The following PHACTR3 variants were observed in gnomAD, a reference collection of about 807,000 sequenced individuals.
The protein encoded by PHACTR3 is protein phosphatase 1, regulatory subunit 123.
A neutral mutation model predicts 66.8 loss-of-function variants in PHACTR3; 16 were observed. The ratio of observed to expected loss-of-function variants is 0.24; its 90% CI spans 0.16 to 0.36. The LOEUF (loss-of-function observed/expected upper bound fraction) is 0.36. Ranked by LOEUF, PHACTR3 falls within the 10% of genes least tolerant of loss-of-function variation. The pLI is 1.00. For missense variants in PHACTR3, 647 were observed against 719.9 expected (o/e 0.90, Z 1.16); for synonymous variants, 323 against 292.1 (o/e 1.11, Z -1.08).
At chr20:59,747,666 C>A in intron 2 of PHACTR3, 92 bp from the exon 3 acceptor site, 2 of 1,455,498 alleles carry the variant, frequency 1.4e-6, no homozygotes, top group African/African-American at 2.8e-5. Flanking sequence ...TGTTTTTGGT[C>A]TGTAAACTTG....
At chr20:59,640,185 A>G (rs1164831304) in intron 1 of PHACTR3, among the ~76,000 whole-genome samples, 2 of 152,314 alleles carry the variant, frequency 1.3e-5, no homozygotes, top group South Asian at 2.1e-4. Context: ...TTAACCTTGG[A>G]TGGTTGGTAG....
chr20:59,796,743 G>T (rs1385381423), intron 7 of PHACTR3, among the ~76,000 whole-genome samples: 3 of 152,082 alleles, frequency 2.0e-5, no homozygotes, highest in African/African-American at 7.2e-5. Context: ...CCCTATATGT[G>T]ACTTTGTTAT....
chr20:59,830,278 T>C lies in PHACTR3; in HGVS notation c.1329-6227T>C, dbSNP rs367860480. ...TCTGATAGAAGAGGGTATGAGTGTC[T>C]GATGGAAGCAAGTGAGTGATGGACA... On this transcript the variant is annotated intron_variant, in intron 8 of 12. Coordinates refer to ENST00000371015, the MANE Select transcript of PHACTR3 (RefSeq NM_080672.5). This position sits in a 1 kb window ranked among gnomAD's most constrained non-coding sequence, Gnocchi z 5.8. 1.3e-5 allele frequency among the ~76,000 whole-genome samples: 2 copies of C among 152,066 alleles called. No individual in the cohort carries two copies. The highest frequency in any genetic ancestry group is 3.9e-4 in the East Asian group (2 of 5,156).
intron 8 of PHACTR3, among the ~76,000 whole-genome samples, chr20:59,817,353 C>A (rs1266115931): frequency 6.6e-6 from 1 of 152,228 alleles, no homozygotes. Context: ...TATTTCTGAG[C>A]TGCAGGTCCT....
chr20:59,731,419 GACA>G (rs1174313424), intron 1 of PHACTR3, among the ~76,000 whole-genome samples: 1 of 152,152 alleles, frequency 6.6e-6, no homozygotes, highest in South Asian at 2.1e-4. Context: ...TCACAATGAT[GACA>G]ACAACAAAGC....
At chr20:59,694,806 C>T (rs889830564) in intron 1 of PHACTR3, among the ~76,000 whole-genome samples, 1 of 152,130 alleles carries the variant, frequency 6.6e-6, no homozygotes, top group Non-Finnish European at 1.5e-5. Context: ...ATGGAAGACA[C>T]AGCAGCAGGG....
At chr20:59,681,375 T>C (rs1306115301) in intron 1 of PHACTR3, among the ~76,000 whole-genome samples, 3 of 151,948 alleles carry the variant, frequency 2.0e-5, no homozygotes, top group Non-Finnish European at 2.9e-5. Flanking sequence ...ATTTTTTTTT[T>C]CTACTTTTTC....
intron 1 of PHACTR3, among the ~76,000 whole-genome samples, chr20:59,588,968 G>A (rs1400202125): frequency 6.6e-6 from 1 of 152,202 alleles, no homozygotes; most frequent in Non-Finnish European, 1.5e-5. Flanking sequence ...ATGTTCTAAT[G>A]TCTGCACCTT....
In PHACTR3 at chr20:59,633,783, G is replaced by T. The variant is rs1178683450; in HGVS notation, c.118+28651G>T. Reference sequence around the variant, plus strand: ...TTAATTTTAATAATGAGTCACCCATGCCCACAATTTATTACCTCCTGTGGC... The same window carrying T: ...TTAATTTTAATAATGAGTCACCCATTCCCACAATTTATTACCTCCTGTGGC... On this transcript the variant is annotated intron_variant, in intron 1 of 12. Transcript: ENST00000371015. Among the ~76,000 whole-genome samples the T allele has an allele frequency of 2.6e-5, 4 of 152,192 alleles. No individual in the cohort carries two copies. In the East Asian group the frequency reaches 7.7e-4, roughly 29 times the overall value.
At chr20:59,692,465 G>A (rs2037145816) in intron 1 of PHACTR3, among the ~76,000 whole-genome samples, 1 of 152,322 alleles carries the variant, frequency 6.6e-6, no homozygotes, top group South Asian at 2.1e-4. Context: ...AGTCTGTCAT[G>A]GTCTCTGTGA....
At chr20:59,836,435 T>C in intron 8 of PHACTR3, 70 bp from the exon 9 acceptor site, 2 of 1,496,658 alleles carry the variant, frequency 1.3e-6, no homozygotes, top group South Asian at 2.5e-5. Flanking sequence ...CCTCTCATCC[T>C]TGCAGACCCC....
intron 1 of PHACTR3, among the ~76,000 whole-genome samples, chr20:59,643,300 A>T (rs1312615015): frequency 2.6e-5 from 4 of 152,334 alleles, no homozygotes; most frequent in African/African-American, 7.2e-5. Flanking sequence ...AATGAGTGCT[A>T]TTCCACTTCA....
At chr20:59,698,730 G>A (rs759916667) in intron 1 of PHACTR3, among the ~76,000 whole-genome samples, 3 of 152,104 alleles carry the variant, frequency 2.0e-5, no homozygotes, top group Non-Finnish European at 4.4e-5. Flanking sequence ...TCTTTTCTCC[G>A]GGAGAATGTT....
intron 7 of PHACTR3, among the ~76,000 whole-genome samples, chr20:59,802,568 G>A (rs540477791): frequency 3.3e-5 from 5 of 152,258 alleles, no homozygotes; most frequent in South Asian, 2.1e-4. Flanking sequence ...TGATGAGACC[G>A]GGGCTAGGGG....
In PHACTR3 at chr20:59,635,400, A is replaced by AT. The variant is rs548849458; in HGVS notation, c.118+30275dup. 2.7e-4 allele frequency among the ~76,000 whole-genome samples: 41 copies of AT among 150,926 alleles called. No individual in the cohort carries two copies. The South Asian group carries it at 8.4e-3, about 31-fold the overall frequency. On this transcript the variant is annotated intron_variant, in intron 1 of 12. Transcript: ENST00000371015. ...GGGCGTGCACCACCACACTCGGCTAATTTTTTTGTATTTATTAGAGACGGG... is the reference window on the plus strand; with the variant it reads ...GGGCGTGCACCACCACACTCGGCTAATTTTTTTTGTATTTATTAGAGACGGG...
chr20:59,644,201 A>G (rs1341074620), intron 1 of PHACTR3, among the ~76,000 whole-genome samples: 1 of 152,176 alleles, frequency 6.6e-6, no homozygotes, highest in Non-Finnish European at 1.5e-5. Context: ...TGGTTGCAGC[A>G]CCCTGATGGG....
intron 1 of PHACTR3, among the ~76,000 whole-genome samples, chr20:59,627,398 G>A (rs4810174): frequency 0.027 from 4,134 of 152,328 alleles, 78 homozygotes; most frequent in Middle Eastern, 0.071. Context: ...TGGTGTGAGA[G>A]GGATCAGATG....
chr20:59,663,058 C>A (rs953616777), intron 1 of PHACTR3, among the ~76,000 whole-genome samples: 22 of 152,226 alleles, frequency 1.4e-4, no homozygotes, highest in African/African-American at 5.1e-4. Flanking sequence ...GCCTCTCTAG[C>A]GTCTGGGGGC....
At chr20:59,648,881 G>C (rs1034002195) in intron 1 of PHACTR3, among the ~76,000 whole-genome samples, 2 of 152,194 alleles carry the variant, frequency 1.3e-5, no homozygotes, top group African/African-American at 4.8e-5. Context: ...GAGGGACTGG[G>C]ACAGCTTGGC....
Sources: gnomAD v4.1 joint callset for allele counts (sites outside exome capture counted in the v4.1 genomes callset) on GRCh38, gnomAD v4.1.1 for gene constraint, Gnocchi (gnomAD v3.1) non-coding constraint, MANE v1.5 for transcripts, NCBI Gene and HGNC (gene_info 2026-07-23, HGNC 2026-07-21) for gene names.